Variants in GLS observed in about 807,000 individuals in gnomAD.
The protein encoded by GLS is glutaminase, also known as glutaminase kidney isoform, mitochondrial.
In GLS, 36 loss-of-function variants were observed where a neutral mutation model predicts 86.7. The observed-to-expected ratio is 0.42, with a 90% CI of 0.32 to 0.55. GLS has a LOEUF of 0.55. Among genes scored for constraint, GLS ranks in the 20% least tolerant of loss-of-function variants. The pLI, the probability that GLS is intolerant of heterozygous loss-of-function variation, is 0.17. For missense variants in GLS, 528 were observed against 833.4 expected (o/e 0.63, Z 4.51); for synonymous variants, 317 against 305.9 (o/e 1.04, Z -0.38).
intron 1 of GLS, among the ~76,000 whole-genome samples, chr2:190,893,893 A>T (rs1688644785): frequency 1.3e-5 from 2 of 152,172 alleles, no homozygotes; most frequent in Admixed American, 6.6e-5. Flanking sequence ...CTTCAAATGC[A>T]TTTTTAGAAG....
At chr2:190,940,352 TTTG>T (rs1690390401) in intron 14 of GLS, among the ~76,000 whole-genome samples, 1 of 152,034 alleles carries the variant, frequency 6.6e-6, no homozygotes, top group African/African-American at 2.4e-5. Context: ...TACAAGTGAT[TTTG>T]TTAACATTCT....
rs916996854 is a variant in GLS, at chr2:190,924,683, A to G, written c.1248+90A>G. ...TGTAATCCCAGCACTTTGGGAGGCC[A>G]GGGCAGGTGGATCATGAGGTCAAGA... On this transcript the variant is annotated intron_variant, in intron 11 of 17. Transcript: ENST00000320717. The surrounding 1 kb of genome is among the most constrained non-coding windows in gnomAD (Gnocchi z 5.2). 6 of 735,692 alleles carry G rather than the reference A, an allele frequency of 8.2e-6. No individual in the cohort carries two copies. The highest frequency in any genetic ancestry group is 3.5e-5 in the African/African-American group (2 of 57,662). 45.6% of individuals were successfully genotyped at this position (735,692 alleles called of 1,614,324 possible).
intron 1 of GLS, among the ~76,000 whole-genome samples, chr2:190,885,021 A>G (rs914925283): frequency 1.3e-5 from 2 of 152,230 alleles, no homozygotes; most frequent in African/African-American, 4.8e-5. Context: ...TTGTAATTAC[A>G]CAAATAAGCA....
Position 190,962,754 on chromosome 2 carries a change from A to C in GLS, c.1854-76A>C, listed in dbSNP as rs1691032922. ...ATTTGGCCATTTAACCTGCATTTAA[A>C]ATCTAGGAATGTGGGGTGATCATCT... is the stretch of plus-strand genomic sequence containing the variant. On this transcript the variant is annotated intron_variant, in intron 17 of 17. Transcript: ENST00000320717. This position sits in a 1 kb window ranked among gnomAD's most constrained non-coding sequence, Gnocchi z 4.2. 1.0e-6 allele frequency: 1 copy of C among 972,942 alleles called. No homozygotes were observed. The highest frequency in any genetic ancestry group is 1.4e-6 in the Non-Finnish European group (1 of 710,420). The allele number at this position is 972,942 out of a possible 1,614,324, so 60.3% of individuals were successfully genotyped here.
chr2:190,958,049 G>A (rs777323182), intron 17 of GLS, among the ~76,000 whole-genome samples: 5 of 151,998 alleles, frequency 3.3e-5, no homozygotes, highest in Admixed American at 6.5e-5. Context: ...GACTTTTTTC[G>A]GTTGGTAGGC....
At chr2:190,912,901 C>T (rs948339224) in intron 7 of GLS, among the ~76,000 whole-genome samples, 14 of 152,134 alleles carry the variant, frequency 9.2e-5, no homozygotes, top group Admixed American at 2.0e-4. Flanking sequence ...AGTCATTCTT[C>T]GGACATTAGT....
rs965841032 is a variant in GLS, at chr2:190,881,397, C to T, written c.313C>T (p.Pro105Ser). Reference sequence around the variant, plus strand: ...ACCCGCTGCCCCGGCGGCGCCCGGCCCCAAGGACGGCCCCGGGGAGACGGA... The same window carrying T: ...ACCCGCTGCCCCGGCGGCGCCCGGCTCCAAGGACGGCCCCGGGGAGACGGA... ...SPPAAPAAPG[P>S]KDGPGETDAF... The change falls in exon 1 of 18, where the codon CCC (proline) becomes TCC (serine). Residue 105 changes from proline to serine, a missense_variant. Around this residue, in one of 4 missense-constraint regions of GLS, gnomAD observed 224 missense variants for 187.9 expected, o/e 1.19. Transcript: ENST00000320717. The T allele has an allele frequency of 1.9e-6, 3 of 1,543,316 alleles. No individual in the cohort carries two copies. Among genetic ancestry groups the T allele is most frequent in the South Asian group, 1.2e-5 (1 of 83,764 alleles).
At chr2:190,945,275 ATT>A (rs1690548208) in intron 14 of GLS, among the ~76,000 whole-genome samples, 1 of 152,052 alleles carries the variant, frequency 6.6e-6, no homozygotes, top group East Asian at 1.9e-4. Flanking sequence ...ATAATCTTTA[ATT>A]TTTTGTCTTC....
At chr2:190,904,082 A>C (rs565835320) in intron 5 of GLS, among the ~76,000 whole-genome samples, 31 of 151,642 alleles carry the variant, frequency 2.0e-4, no homozygotes, top group African/African-American at 7.3e-4. Context: ...ATTTATCTGC[A>C]TGGTAATGAT....
At chr2:190,929,726 T>G (rs528465270) in intron 12 of GLS, among the ~76,000 whole-genome samples, 2 of 152,270 alleles carry the variant, frequency 1.3e-5, no homozygotes, top group Non-Finnish European at 2.9e-5. Context: ...CACCTCGGCC[T>G]CCCAGAGTGC....
intron 14 of GLS, among the ~76,000 whole-genome samples, chr2:190,941,318 G>A (rs1690421028): frequency 1.3e-5 from 2 of 152,124 alleles, no homozygotes; most frequent in Non-Finnish European, 2.9e-5. Flanking sequence ...AATGGTATAT[G>A]CCATATGATG....
intron 1 of GLS, among the ~76,000 whole-genome samples, chr2:190,892,793 T>G (rs767924741): frequency 3.9e-5 from 6 of 152,164 alleles, no homozygotes; most frequent in Non-Finnish European, 7.4e-5. Context: ...GACAGCTTAT[T>G]TTGTGAGCTT....
rs545049808 is a variant in GLS, at chr2:190,901,664, C to T, written c.736-283C>T. Among the ~76,000 whole-genome samples the T allele has an allele frequency of 8.4e-4, 127 of 151,622 alleles. 1 individual carries two copies. The highest frequency in any genetic ancestry group is 2.5e-3 in the African/African-American group (102 of 41,358). On this transcript the variant is annotated intron_variant, in intron 4 of 17. Transcript: ENST00000320717. ...TTAAAAAAAAAAAAAGTTCAAGTTCCTCTGCTAGACTCTCCTGCTAAACAT... is the reference window on the plus strand; with the variant it reads ...TTAAAAAAAAAAAAAGTTCAAGTTCTTCTGCTAGACTCTCCTGCTAAACAT...
intron 1 of GLS, among the ~76,000 whole-genome samples, chr2:190,891,251 T>C (rs1250695194): frequency 5.3e-5 from 8 of 152,182 alleles, no homozygotes; most frequent in Non-Finnish European, 1.0e-4. Flanking sequence ...GCTTTAGTCA[T>C]ATTTCTCCTA....
intron 14 of GLS, among the ~76,000 whole-genome samples, chr2:190,942,067 C>CTTTTTTTTGTTTTTTTTT (rs1690451179): frequency 2.6e-5 from 1 of 38,054 alleles, no homozygotes; most frequent in Non-Finnish European, 5.8e-5. Flanking sequence ...ACTTTGAAGA[C>CTTTTTTTTGTTTTTTTTT]TTTTTTTTTT....
chr2:190,932,233 T>A (rs1690131869), intron 14 of GLS, among the ~76,000 whole-genome samples: 1 of 151,990 alleles, frequency 6.6e-6, no homozygotes, highest in East Asian at 1.9e-4. Flanking sequence ...TTTGGCTTCA[T>A]ACTATTGTAC....
At chr2:190,882,433 C>T (rs1163843925) in intron 1 of GLS, among the ~76,000 whole-genome samples, 1 of 152,158 alleles carries the variant, frequency 6.6e-6, no homozygotes, top group African/African-American at 2.4e-5. Context: ...ACTTTGTTTT[C>T]CCAAAATGGG....
At chr2:190,925,466 G>A (rs1689868490) in intron 11 of GLS, among the ~76,000 whole-genome samples, 2 of 152,170 alleles carry the variant, frequency 1.3e-5, no homozygotes, top group South Asian at 4.1e-4. Flanking sequence ...ACTCAATTTA[G>A]AATAGCCTTC....
rs1690873420 is a variant in GLS, at chr2:190,956,950, AT to A, written c.1853+2136del. Among the ~76,000 whole-genome samples the A allele has an allele frequency of 6.6e-6, 1 of 152,084 alleles. No homozygotes were observed. Among genetic ancestry groups the A allele is most frequent in the African/African-American group, 2.4e-5 (1 of 41,418 alleles). On this transcript the variant is annotated intron_variant, in intron 17 of 17. Coordinates refer to ENST00000320717, the MANE Select transcript of GLS (RefSeq NM_014905.5). This position sits in a 1 kb window ranked among gnomAD's most constrained non-coding sequence, Gnocchi z 4.2. ...GAATGCCTGTGATTTTTGCACATTG[AT>A]TTTGTATCTTGAGACTTTGCTGAAG...
Sources: allele counts gnomAD v4.1 joint callset (sites outside exome capture counted in the v4.1 genomes callset), GRCh38; gene constraint gnomAD v4.1.1; regional missense constraint gnomAD v4.1.1; non-coding constraint Gnocchi (gnomAD v3.1); transcripts MANE v1.5; gene names NCBI Gene and HGNC (gene_info 2026-07-23, HGNC 2026-07-21).